Variants in PELI2 observed in about 807,000 individuals in gnomAD.
PELI2 encodes pellino E3 ubiquitin protein ligase family member 2, also known as E3 ubiquitin-protein ligase pellino homolog 2.
In PELI2, 23 loss-of-function variants were observed where a neutral mutation model predicts 42.3. That is an observed-to-expected ratio of 0.54 (90% CI 0.39 to 0.77). PELI2 has a LOEUF of 0.77. Ranked by LOEUF, PELI2 falls within the 30% of genes least tolerant of loss-of-function variation. PELI2 has a pLI of 0.00. For missense variants in PELI2, 463 were observed against 553.2 expected (o/e 0.84, Z 1.64); for synonymous variants, 245 against 212.2 (o/e 1.15, Z -1.34).
At chr14:56,130,689 C>T (rs1307689348) in intron 1 of PELI2, among the ~76,000 whole-genome samples, 2 of 151,878 alleles carry the variant, frequency 1.3e-5, no homozygotes, top group Non-Finnish European at 2.9e-5. Context: ...ATCCTTATAT[C>T]TTCCCTATTT....
intron 1 of PELI2, among the ~76,000 whole-genome samples, chr14:56,146,151 A>G (rs1884110010): frequency 6.6e-6 from 1 of 152,142 alleles, no homozygotes; most frequent in Admixed American, 6.5e-5. Flanking sequence ...CAGTGTTCCT[A>G]GTTCTGTGTC....
intron 1 of PELI2, among the ~76,000 whole-genome samples, chr14:56,134,116 T>C (rs1396033309): frequency 6.6e-6 from 1 of 152,224 alleles, no homozygotes; most frequent in African/African-American, 2.4e-5. Context: ...ATATAGTAAG[T>C]ACTCATTGAC....
At chr14:56,253,217 GTTTA>G (rs1888406622) in intron 2 of PELI2, among the ~76,000 whole-genome samples, 1 of 152,100 alleles carries the variant, frequency 6.6e-6, no homozygotes, top group South Asian at 2.1e-4. Context: ...AATAAGAGCT[GTTTA>G]TGACAAACCC....
intron 1 of PELI2, among the ~76,000 whole-genome samples, chr14:56,150,976 A>G (rs242408): frequency 0.84 from 127,464 of 152,280 alleles, 53,898 homozygotes; most frequent in African/African-American, 0.96. Context: ...AGTTTAAGGG[A>G]ATGAAATGAT....
intron 2 of PELI2, among the ~76,000 whole-genome samples, chr14:56,269,671 C>G (rs1466292715): frequency 6.6e-6 from 1 of 152,200 alleles, no homozygotes; most frequent in Non-Finnish European, 1.5e-5. Flanking sequence ...ACTTACGTAA[C>G]TTGCCCAGAG....
At chr14:56,173,687 A>G (rs1885263075) in intron 1 of PELI2, among the ~76,000 whole-genome samples, 1 of 151,980 alleles carries the variant, frequency 6.6e-6, no homozygotes, top group South Asian at 2.1e-4. Context: ...GGGGCTCCAA[A>G]TGTTCCTTGG....
At chr14:56,167,718 G>A (rs554936675) in intron 1 of PELI2, among the ~76,000 whole-genome samples, 16 of 152,162 alleles carry the variant, frequency 1.1e-4, no homozygotes, top group Admixed American at 4.6e-4. Context: ...TTCCTGGATC[G>A]TGTTGATGCT....
chr14:56,257,523 ATATG>A (rs1379135381), intron 2 of PELI2, among the ~76,000 whole-genome samples: 1 of 147,886 alleles, frequency 6.8e-6, no homozygotes, highest in Non-Finnish European at 1.5e-5. Flanking sequence ...TTCTATATAT[ATATG>A]TATCTATGTA....
intron 3 of PELI2, among the ~76,000 whole-genome samples, chr14:56,285,450 T>G (rs966177751): frequency 1.3e-5 from 2 of 152,116 alleles, no homozygotes; most frequent in African/African-American, 4.8e-5. Flanking sequence ...CAAGTGGAGA[T>G]TGGGTGTGCC....
intron 2 of PELI2, among the ~76,000 whole-genome samples, chr14:56,265,576 G>A (rs1186303117): frequency 6.6e-6 from 1 of 151,986 alleles, no homozygotes; most frequent in Non-Finnish European, 1.5e-5. Flanking sequence ...AACCAAAAAT[G>A]TGATTTATAA....
At position 56,299,936 on chromosome 14, in the gene PELI2, C is replaced by CT. The variant is rs1384065223; in HGVS notation, c.*2771dup. The CT allele has an allele frequency of 6.6e-6, 1 of 152,562 alleles. No homozygotes were observed. Among genetic ancestry groups the CT allele is most frequent in the Non-Finnish European group, 1.5e-5 (1 of 68,026 alleles). The allele number at this position is 152,562 out of a possible 1,614,324, so 9.5% of individuals were successfully genotyped here. ...GATTCAGAGTGGATGGAGTACAACT[C>CT]TGAGTATTTTTCTAGTCCGGAATTT... On this transcript the variant is annotated 3_prime_UTR_variant, in exon 6 of 6. Coordinates refer to ENST00000267460, the MANE Select transcript of PELI2 (RefSeq NM_021255.3).
chr14:56,156,860 C>T (rs770030899), intron 1 of PELI2, among the ~76,000 whole-genome samples: 27 of 152,206 alleles, frequency 1.8e-4, no homozygotes, highest in Admixed American at 3.9e-4. Context: ...AACTGTGCCT[C>T]TCTGTGTAAG....
Position 56,149,597 on chromosome 14 carries a change from CT to C in PELI2, c.78-28727del, listed in dbSNP as rs570677538. Among the ~76,000 whole-genome samples, 1,423 of 147,324 alleles carry C rather than the reference CT, an allele frequency of 9.7e-3. 22 individuals are homozygous for C. Among genetic ancestry groups the C allele is most frequent in the African/African-American group, 0.033 (1,338 of 40,424 alleles). ...CTTGGAGATTGGAGCCCACCTTTTA[CT>C]TTTTTTTTTTCTTTTTTAAAACTAC... On this transcript the variant is annotated intron_variant, in intron 1 of 5. Coordinates refer to ENST00000267460, the MANE Select transcript of PELI2 (RefSeq NM_021255.3).
At chr14:56,119,812 T>A (rs1479666288) in intron 1 of PELI2, 1 of 985,248 alleles carries the variant, frequency 1.0e-6, no homozygotes, top group Non-Finnish European at 1.2e-6. Context: ...CCCGCGCTTT[T>A]GTCCTTCTGC....
Position 56,226,416 on chromosome 14 carries a change from G to A in PELI2, c.207+47952G>A, listed in dbSNP as rs533525923. On this transcript the variant is annotated intron_variant, in intron 2 of 5. Transcript: ENST00000267460. ...ACCTTGCTTCCTGGATTATTTGGAG[G>A]CAGAGAGGTGCTTTGTCCTTTTCTG... Among the ~76,000 whole-genome samples the A allele has an allele frequency of 2.2e-3, 342 of 152,302 alleles. 1 individual carries two copies. Among genetic ancestry groups the A allele is most frequent in the Non-Finnish European group, 3.1e-3 (213 of 68,034 alleles).
chr14:56,164,390 C>T (rs1884877091), intron 1 of PELI2, among the ~76,000 whole-genome samples: 1 of 151,946 alleles, frequency 6.6e-6, no homozygotes, highest in African/African-American at 2.4e-5. Flanking sequence ...GGAATAAATC[C>T]CACTTGGTCA....
chr14:56,198,025 G>A (rs1263181670), intron 2 of PELI2, among the ~76,000 whole-genome samples: 1 of 143,688 alleles, frequency 7.0e-6, no homozygotes, highest in Admixed American at 7.0e-5. Context: ...CACCTCTTTG[G>A]TCCACTTCTC....
At chr14:56,139,089 C>G (rs1452424607) in intron 1 of PELI2, among the ~76,000 whole-genome samples, 5 of 152,166 alleles carry the variant, frequency 3.3e-5, no homozygotes, top group Non-Finnish European at 2.9e-5. Flanking sequence ...GCCACAGAAT[C>G]CTTAATTATC....
chr14:56,296,950 T>C lies in PELI2; in HGVS notation c.1047T>C (p.Leu349=). ...RTVGPYVPLW[L]GCEAGFYVDA... ...TGGGCCCCTATGTGCCTCTCTGGCT[T>C]GGCTGTGAGGCAGGATTTTATGTAG... The change falls in exon 6 of 6, where the codon CTT becomes CTC. Residue 349 remains leucine, a synonymous_variant. Coordinates refer to ENST00000267460, the MANE Select transcript of PELI2 (RefSeq NM_021255.3). 1 of 1,614,090 alleles carries C rather than the reference T, an allele frequency of 6.2e-7. No individual in the cohort carries two copies. Among genetic ancestry groups the C allele is most frequent in the Non-Finnish European group, 8.5e-7 (1 of 1,179,964 alleles).
Sources: gnomAD v4.1 joint callset for allele counts (sites outside exome capture counted in the v4.1 genomes callset) on GRCh38, gnomAD v4.1.1 for gene constraint, MANE v1.5 for transcripts, NCBI Gene and HGNC (gene_info 2026-07-23, HGNC 2026-07-21) for gene names.